Variants in GOLGB1 observed in about 807,000 individuals in gnomAD.
The protein encoded by GOLGB1 is golgin B1, also known as golgin subfamily B member 1.
In GOLGB1, 174 loss-of-function variants were observed where a neutral mutation model predicts 336.9. That is an observed-to-expected ratio of 0.52 (90% CI 0.46 to 0.59). The LOEUF is 0.59. GOLGB1 is among the 20% of genes least tolerant of loss of function. The pLI is 0.00. For synonymous variants in GOLGB1, 1,208 were observed against 1,289.2 expected (o/e 0.94, Z 1.35); for missense variants, 3,331 against 3,645.3 (o/e 0.91, Z 2.22).
chr3:121,684,922 T>A lies in GOLGB1; in HGVS notation c.8695-3057A>T, dbSNP rs574059462. 2.0e-5 allele frequency among the ~76,000 whole-genome samples: 3 copies of A among 152,300 alleles called. No homozygotes were observed. The South Asian group carries it at 6.2e-4, about 32-fold the overall frequency. ...TATCCTAGGAGTACAGGGCCACTGGTTGATATAGGAGCAAATCAGGTACTC... is the reference window on the plus strand; with the variant it reads ...TATCCTAGGAGTACAGGGCCACTGGATGATATAGGAGCAAATCAGGTACTC... On this transcript the variant is annotated intron_variant, in intron 14 of 21. Coordinates refer to ENST00000614479, the MANE Select transcript of GOLGB1 (RefSeq NM_001366282.2).
At position 121,719,788 on chromosome 3, in the gene GOLGB1, A is replaced by C; in HGVS notation, c.649-20T>G. 1 of 1,581,266 alleles carries C rather than the reference A, an allele frequency of 6.3e-7. No homozygotes were observed. Among genetic ancestry groups the C allele is most frequent in the Non-Finnish European group, 8.6e-7 (1 of 1,164,862 alleles). On this transcript the variant is annotated intron_variant, in intron 6 of 21. Transcript: ENST00000614479. ...ACTCAACTGAAGACACATACCAGAG[A>C]AACTATGCAAGTTACACTCCCCGAA... is the stretch of plus-strand genomic sequence containing the variant.
chr3:121,673,534 T>TCC (rs1560172842), intron 17 of GOLGB1, among the ~76,000 whole-genome samples: 4 of 152,246 alleles, frequency 2.6e-5, no homozygotes, highest in African/African-American at 9.6e-5. Flanking sequence ...ATTTTAATGA[T>TCC]ATTAATTCTT....
At chr3:121,708,250 G>A (rs948806353) in intron 10 of GOLGB1, among the ~76,000 whole-genome samples, 1 of 152,096 alleles carries the variant, frequency 6.6e-6, no homozygotes, top group African/African-American at 2.4e-5. Context: ...AGGGAAAGAT[G>A]TGAGGGAAAA....
At position 121,693,808 on chromosome 3, in the gene GOLGB1, T is replaced by C; in HGVS notation, c.6715A>G (p.Ser2239Gly). The change falls in exon 13 of 22, where the codon AGT becomes GGT. Residue 2239 changes from serine (S) to glycine (G), a missense_variant. Physicochemically the swap from Ser to Gly is moderately conservative, Grantham distance 56. Coordinates refer to ENST00000614479, the MANE Select transcript of GOLGB1 (RefSeq NM_001366282.2). ...EEIRLKEDNCSVLKDQLRQMS... is the reference protein window; with the variant it reads ...EEIRLKEDNCGVLKDQLRQMS... ...TGTCTAAGTTGATCCTTTAGAACACTGCAATTATCTTCTTTGAGTCTAATT... is the reference window on the plus strand; with the variant it reads ...TGTCTAAGTTGATCCTTTAGAACACCGCAATTATCTTCTTTGAGTCTAATT... 6.2e-7 allele frequency: 1 copy of C among 1,607,740 alleles called. No homozygotes were observed. Among genetic ancestry groups the C allele is most frequent in the East Asian group, 2.2e-5 (1 of 44,850 alleles).
In GOLGB1 at chr3:121,714,905, C is replaced by A. The variant is rs1472250731; in HGVS notation, c.1360G>T (p.Ala454Ser). 1.2e-6 allele frequency: 2 copies of A among 1,612,626 alleles called. No homozygotes were observed. Among genetic ancestry groups the A allele is most frequent in the Non-Finnish European group, 1.7e-6 (2 of 1,178,894 alleles). ...NRLPLQQHET[A>S]SQTSFPDVYN... Reference sequence around the variant, plus strand: ...ACATCTGGGAAAGAAGTCTGAGATGCTGTTTCATGTTGTTGCAAGGGCAGT... The same window carrying A: ...ACATCTGGGAAAGAAGTCTGAGATGATGTTTCATGTTGTTGCAAGGGCAGT... Residue 454 changes from alanine to serine, a missense_variant, in exon 10 of 22, where the codon GCA (alanine) becomes TCA (serine). Transcript: ENST00000614479.
intron 5 of GOLGB1, 48 bp from the exon 6 acceptor site, chr3:121,722,426 G>A (rs759674722): frequency 5.1e-6 from 5 of 979,688 alleles, no homozygotes; most frequent in Non-Finnish European, 8.2e-6. Flanking sequence ...TTAAGCAAAA[G>A]AATGAGCATT....
chr3:121,705,624 T>C (rs551006239), intron 10 of GOLGB1, among the ~76,000 whole-genome samples: 2 of 152,278 alleles, frequency 1.3e-5, no homozygotes, highest in Admixed American at 6.5e-5. Context: ...ATGGCTGCAG[T>C]TCGCAGAATA....
chr3:121,727,291 C>CATATATATAT lies in GOLGB1; in HGVS notation c.403-251_403-250insATATATATAT, dbSNP rs1560307098. Among the ~76,000 whole-genome samples the CATATATATAT allele has an allele frequency of 4.2e-3, 212 of 51,046 alleles. 1 individual carries two copies. The highest frequency in any genetic ancestry group is 6.1e-3 in the Non-Finnish European group (159 of 26,024). The allele number at this position is 51,046 out of a possible 152,430, so 33.5% of individuals were successfully genotyped here. The stretch of plus-strand genomic sequence containing the variant: ...AAACTGTGAAATACATACACACACA[C>CATATATATAT]ACATATATATATATATATATATATA... On this transcript the variant is annotated intron_variant, in intron 4 of 21. Coordinates refer to ENST00000614479, the MANE Select transcript of GOLGB1 (RefSeq NM_001366282.2).
At chr3:121,682,013 G>A (rs1450819350) in intron 14 of GOLGB1, 148 bp from the exon 15 acceptor site, 2 of 620,406 alleles carry the variant, frequency 3.2e-6, no homozygotes, top group Non-Finnish European at 5.7e-6. Flanking sequence ...TGCAACATAA[G>A]TCTCTAAAGT....
chr3:121,688,607 C>A (rs542956455), intron 14 of GOLGB1, among the ~76,000 whole-genome samples: 3 of 152,114 alleles, frequency 2.0e-5, no homozygotes, highest in African/African-American at 7.2e-5. Context: ...CCCGCCGCCA[C>A]CCCGTCTGGG....
At position 121,664,563 on chromosome 3, in the gene GOLGB1, G is replaced by C. The variant is rs745651336; in HGVS notation, c.9712C>G (p.Arg3238Gly). The C allele has an allele frequency of 6.2e-7, 1 of 1,612,408 alleles. No homozygotes were observed. The highest frequency in any genetic ancestry group is 8.5e-7 in the Non-Finnish European group (1 of 1,178,478). Residue 3238 changes from arginine (R) to glycine (G), a missense_variant, in exon 22 of 22, where the codon CGG becomes GGG. By Grantham distance (125) the Arg-to-Gly change is moderately radical (BLOSUM62 -2). Coordinates refer to ENST00000614479, the MANE Select transcript of GOLGB1 (RefSeq NM_001366282.2). ...GCTGCTAGAAGTGGCACTCGGGTCC[G>C]TGAATGACAGAGTGAACGCAGGACT... The part of the protein sequence containing the change: ...KRVLRSLCHS[R>G]TRVPLLAAIY...
chr3:121,724,708 A>T (rs1456815323), intron 5 of GOLGB1, among the ~76,000 whole-genome samples: 1 of 152,200 alleles, frequency 6.6e-6, no homozygotes, highest in Non-Finnish European at 1.5e-5. Context: ...AACAGTTAAG[A>T]CAATGGGAAA....
At chr3:121,738,920 G>C (rs1946667123) in intron 1 of GOLGB1, among the ~76,000 whole-genome samples, 1 of 152,126 alleles carries the variant, frequency 6.6e-6, no homozygotes, top group African/African-American at 2.4e-5. Context: ...TAGAAAAGCT[G>C]TATAAAATCT....
intron 14 of GOLGB1, among the ~76,000 whole-genome samples, chr3:121,685,163 A>C (rs1048932577): frequency 5.9e-5 from 9 of 152,240 alleles, no homozygotes; most frequent in Non-Finnish European, 1.3e-4. Context: ...TGTAGTCATA[A>C]AAAATGTAAC....
chr3:121,716,855 T>C lies in GOLGB1; in HGVS notation c.1170A>G (p.Gln390=), dbSNP rs116493451. 2.5e-6 allele frequency: 4 copies of C among 1,613,884 alleles called. No individual in the cohort carries two copies. The East Asian group carries it at 6.7e-5, about 27-fold the overall frequency. Reference sequence around the variant, plus strand: ...CAGACTGCAGCTCTTGTCCAGTCTTTTGAAGACTCAAAATATGAGAGGTCT... The same window carrying C: ...CAGACTGCAGCTCTTGTCCAGTCTTCTGAAGACTCAAAATATGAGAGGTCT... ...EEKTSHILSL[Q]KTGQELQSAC... is the part of the protein sequence containing the mutation. Residue 390 remains glutamine, a synonymous_variant, in exon 9 of 22, where the codon CAA becomes CAG. Coordinates refer to ENST00000614479, the MANE Select transcript of GOLGB1 (RefSeq NM_001366282.2).
At chr3:121,672,200 C>A (rs1299754697) in intron 17 of GOLGB1, among the ~76,000 whole-genome samples, 3 of 152,162 alleles carry the variant, frequency 2.0e-5, no homozygotes, top group Non-Finnish European at 4.4e-5. Flanking sequence ...TTTTGAGATA[C>A]CTCCATACTG....
intron 3 of GOLGB1, 72 bp from the exon 4 acceptor site, chr3:121,729,412 T>C (rs1175889683): frequency 2.5e-6 from 3 of 1,195,538 alleles, no homozygotes; most frequent in Non-Finnish European, 3.6e-6. Context: ...TAAAAGTTAT[T>C]TTTATTATTA....
intron 6 of GOLGB1, 80 bp downstream of exon 6, chr3:121,722,182 A>C (rs749982338): frequency 2.0e-4 from 153 of 777,126 alleles, no homozygotes; most frequent in Non-Finnish European, 2.8e-4. Context: ...GGATTTTTTA[A>C]AGTGACTCAC....
intron 6 of GOLGB1, 66 bp from the exon 7 acceptor site, chr3:121,719,834 C>T: frequency 1.4e-6 from 2 of 1,401,680 alleles, no homozygotes; most frequent in Non-Finnish European, 1.9e-6. Flanking sequence ...ATAAAACTCA[C>T]AGACTACTTT....
Sources: gnomAD v4.1 joint callset for allele counts (sites outside exome capture counted in the v4.1 genomes callset) on GRCh38, gnomAD v4.1.1 for gene constraint, MANE v1.5 for transcripts, NCBI Gene and HGNC (gene_info 2026-07-23, HGNC 2026-07-21) for gene names.